The following CLYBL variants were observed in gnomAD, a reference collection of about 807,000 sequenced individuals.
CLYBL encodes the protein citramalyl-CoA lyase, mitochondrial.
A neutral mutation model predicts 38.9 loss-of-function variants in CLYBL; 31 were observed. The observed-to-expected ratio is 0.80, with a 90% CI of 0.60 to 1.08. The LOEUF (loss-of-function observed/expected upper bound fraction) is 1.08. CLYBL is among the 50% of genes least tolerant of loss of function. The pLI, the probability that CLYBL is intolerant of heterozygous loss-of-function variation, is 0.00. For missense variants in CLYBL, 434 were observed against 411.6 expected (o/e 1.05, Z -0.47); for synonymous variants, 171 against 158.6 (o/e 1.08, Z -0.59).
intron 1 of CLYBL, chr13:99,643,247 C>T (rs1392153369): frequency 1.3e-5 from 2 of 152,808 alleles, no homozygotes; most frequent in African/African-American, 4.8e-5. Flanking sequence ...GTTTGCCTCA[C>T]TGCTCCGGTG....
At chr13:99,740,945 C>T (rs1214689199) in intron 1 of CLYBL, among the ~76,000 whole-genome samples, 1 of 151,894 alleles carries the variant, frequency 6.6e-6, no homozygotes, top group East Asian at 1.9e-4. Flanking sequence ...GACCTGGGTG[C>T]GAAAGTAAAG....
At chr13:99,746,112 C>T (rs528275194) in intron 1 of CLYBL, among the ~76,000 whole-genome samples, 3 of 151,918 alleles carry the variant, frequency 2.0e-5, no homozygotes, top group Middle Eastern at 3.4e-3. Flanking sequence ...AAAAAATGCT[C>T]TTCCATGATT....
intron 2 of CLYBL, among the ~76,000 whole-genome samples, chr13:99,803,835 C>T (rs1390993763): frequency 2.6e-5 from 4 of 152,138 alleles, no homozygotes; most frequent in Admixed American, 2.0e-4. Context: ...GTCAGATAGA[C>T]ATTCGCGGTC....
intron 2 of CLYBL, among the ~76,000 whole-genome samples, chr13:99,848,926 G>C (rs1469376199): frequency 6.6e-6 from 1 of 152,194 alleles, no homozygotes; most frequent in Admixed American, 6.5e-5. Context: ...ATCACCTGAG[G>C]CTTGGAGTTT....
At chr13:99,785,608 T>G (rs1472691832) in intron 2 of CLYBL, among the ~76,000 whole-genome samples, 1 of 151,522 alleles carries the variant, frequency 6.6e-6, no homozygotes, top group Non-Finnish European at 1.5e-5. Flanking sequence ...ATACATTTTT[T>G]TTTTTTGAGA....
intron 1 of CLYBL, among the ~76,000 whole-genome samples, chr13:99,666,157 A>G (rs1450971776): frequency 2.6e-5 from 4 of 152,152 alleles, no homozygotes; most frequent in Admixed American, 1.3e-4. Flanking sequence ...TTTTGAGGCA[A>G]CAAGGCCCAG....
At chr13:99,679,223 G>A (rs2047696735) in intron 1 of CLYBL, among the ~76,000 whole-genome samples, 1 of 151,184 alleles carries the variant, frequency 6.6e-6, no homozygotes, top group South Asian at 2.1e-4. Context: ...GAACCCGGGA[G>A]GTGGAGGTTG....
downstream of CLYBL, among the ~76,000 whole-genome samples, chr13:99,901,176 C>T (rs1389619173): frequency 6.6e-6 from 1 of 152,204 alleles, no homozygotes; most frequent in Admixed American, 6.5e-5. Flanking sequence ...CTCTTGGCCG[C>T]GGGCCTCACT....
At chr13:99,659,603 A>G (rs530864877) in intron 1 of CLYBL, among the ~76,000 whole-genome samples, 142 of 152,304 alleles carry the variant, frequency 9.3e-4, no homozygotes, top group Non-Finnish European at 1.5e-3. Flanking sequence ...CATTTATTTA[A>G]TGATGCCAGG....
Position 99,866,334 on chromosome 13 carries a change from G to T in CLYBL, c.729G>T (p.Leu243=). 6.2e-7 allele frequency: 1 copy of T among 1,614,128 alleles called. No homozygotes were observed. Among genetic ancestry groups the T allele is most frequent in the African/African-American group, 1.3e-5 (1 of 75,038 alleles). Reference sequence around the variant, plus strand: ...CCTTTGGTCTCCAAGCCATAGATCTGGTGTACATTGACTTTCGAGATGGAG... The same window carrying T: ...CCTTTGGTCTCCAAGCCATAGATCTTGTGTACATTGACTTTCGAGATGGAG... ...AKAFGLQAID[L]VYIDFRDGAG... The change falls in exon 6 of 9, where the codon CTG becomes CTT. Residue 243 remains leucine, a synonymous_variant. Coordinates refer to ENST00000339105, the MANE Select transcript of CLYBL (RefSeq NM_206808.5).
At chr13:99,839,555 A>G (rs559317327) in intron 2 of CLYBL, among the ~76,000 whole-genome samples, 31 of 152,278 alleles carry the variant, frequency 2.0e-4, no homozygotes, top group Non-Finnish European at 8.8e-5. Flanking sequence ...TAGCTATACG[A>G]ATCTGACAGA....
At chr13:99,871,900 G>A (rs563465380) in intron 7 of CLYBL, among the ~76,000 whole-genome samples, 10 of 150,728 alleles carry the variant, frequency 6.6e-5, no homozygotes, top group Admixed American at 4.6e-4. Flanking sequence ...TCCAGAAGGA[G>A]TAAAGTTTTG....
intron 1 of CLYBL, among the ~76,000 whole-genome samples, chr13:99,723,738 C>T (rs182619635): frequency 6.6e-6 from 1 of 152,126 alleles, no homozygotes; most frequent in Non-Finnish European, 1.5e-5. Context: ...TAAATTGTCA[C>T]AGAAATGAAA....
At chr13:99,706,750 A>G (rs1013838784) in intron 1 of CLYBL, among the ~76,000 whole-genome samples, 4 of 152,140 alleles carry the variant, frequency 2.6e-5, no homozygotes, top group Non-Finnish European at 4.4e-5. Context: ...CCAGAAGGAG[A>G]AGATGGCTGC....
intron 1 of CLYBL, among the ~76,000 whole-genome samples, chr13:99,700,097 C>T (rs894174263): frequency 1.3e-5 from 2 of 152,270 alleles, no homozygotes; most frequent in Middle Eastern, 3.4e-3. Flanking sequence ...CAGGCATTAG[C>T]ATTCCCATTT....
At chr13:99,663,957 A>G (rs1399606922) in intron 1 of CLYBL, among the ~76,000 whole-genome samples, 3 of 152,250 alleles carry the variant, frequency 2.0e-5, no homozygotes, top group Non-Finnish European at 4.4e-5. Context: ...AACAATCAGT[A>G]CAATGTTTCT....
chr13:99,727,509 A>T (rs547603449), intron 1 of CLYBL: 1 of 151,850 alleles, frequency 6.6e-6, no homozygotes, highest in South Asian at 2.1e-4. Flanking sequence ...CCAAGTAGAA[A>T]AAAAGGAATA....
intron 2 of CLYBL, among the ~76,000 whole-genome samples, chr13:99,780,458 G>T (rs557903146): frequency 6.6e-5 from 10 of 152,216 alleles, no homozygotes; most frequent in African/African-American, 2.4e-4. Context: ...TCGGCTCACT[G>T]CAAGCTCTGC....
chr13:99,642,715 G>A (rs1251034678), intron 1 of CLYBL, among the ~76,000 whole-genome samples: 2 of 151,918 alleles, frequency 1.3e-5, no homozygotes, highest in African/African-American at 2.4e-5. Flanking sequence ...ACCATGCCCA[G>A]CCTCTCCTTC....
Sources: gnomAD v4.1 joint callset for allele counts (sites outside exome capture counted in the v4.1 genomes callset) on GRCh38, gnomAD v4.1.1 for gene constraint, MANE v1.5 for transcripts, NCBI Gene and HGNC (gene_info 2026-07-23, HGNC 2026-07-21) for gene names.